IFT52: variants seen among roughly 807,000 people sequenced by gnomAD.
The protein encoded by IFT52 is intraflagellar transport 52, also known as intraflagellar transport protein 52 homolog.
Under a neutral mutation model 54.4 loss-of-function variants are expected in IFT52, and 44 were observed. That is an observed-to-expected ratio of 0.81 (90% confidence interval 0.63 to 1.04). The LOEUF is 1.04. Among genes scored for constraint, IFT52 ranks in the 50% least tolerant of loss-of-function variants. The pLI, the probability that IFT52 is intolerant of heterozygous loss-of-function variation, is 0.00. For synonymous variants in IFT52, 181 were observed against 185.3 expected, an observed-to-expected ratio of 0.98 and a Z score of 0.19; for missense variants, 452 against 523.6, an observed-to-expected ratio of 0.86 and a Z score of 1.33.
At chr20:43,606,255 T>C (rs1474073313) in intron 6 of IFT52, among the ~76,000 whole-genome samples, 1 of 148,756 alleles carries the variant, frequency 6.7e-6, no homozygotes, top group East Asian at 2.0e-4. Context: ...TTATAGATAA[T>C]AAAGCACAAA....
intron 4 of IFT52, 39 bp downstream of exon 4, chr20:43,603,928 T>C: frequency 7.4e-7 from 1 of 1,349,716 alleles, no homozygotes; most frequent in Non-Finnish European, 1.0e-6. Context: ...GCAGTACTTT[T>C]CTATCTATTA....
chr20:43,619,804 CGCCT>C (rs1984137438), intron 8 of IFT52, among the ~76,000 whole-genome samples: 1 of 151,620 alleles, frequency 6.6e-6, no homozygotes, highest in African/African-American at 2.4e-5. Flanking sequence ...GAGAAAGAAA[CGCCT>C]TATAATTGTT....
intron 6 of IFT52, among the ~76,000 whole-genome samples, chr20:43,606,728 C>G (rs529889368): frequency 3.3e-5 from 5 of 152,182 alleles, no homozygotes; most frequent in Admixed American, 2.0e-4. Context: ...GCAGAGGACC[C>G]TGCAGCCTTC....
chr20:43,624,512 A>G (rs756752227), intron 10 of IFT52, among the ~76,000 whole-genome samples: 7 of 152,132 alleles, frequency 4.6e-5, no homozygotes, highest in Non-Finnish European at 8.8e-5. Flanking sequence ...GTGCAGGTGG[A>G]ACTACAAGTT....
At chr20:43,622,738 T>A (rs892619050) in intron 9 of IFT52, among the ~76,000 whole-genome samples, 8 of 137,060 alleles carry the variant, frequency 5.8e-5, no homozygotes, top group South Asian at 2.2e-4. Context: ...AATATATACA[T>A]ATTTTTATGT....
intron 12 of IFT52, among the ~76,000 whole-genome samples, chr20:43,639,700 G>A (rs1985785244): frequency 6.6e-6 from 1 of 151,842 alleles, no homozygotes; most frequent in South Asian, 2.1e-4. Flanking sequence ...GTAGCCAGGT[G>A]CGGTGACGCA....
chr20:43,624,224 A>G, intron 10 of IFT52, 179 bp downstream of exon 10: 3 of 681,962 alleles, frequency 4.4e-6, no homozygotes, highest in Non-Finnish European at 7.5e-6. Context: ...ATGTAGAGGA[A>G]CTGCCAGAGG....
chr20:43,604,896 C>T, intron 5 of IFT52, 106 bp from the exon 6 acceptor site: 2 of 1,186,338 alleles, frequency 1.7e-6, no homozygotes, highest in Non-Finnish European at 2.4e-6. Flanking sequence ...ACCTCCCAGG[C>T]TTAAGCAATC....
chr20:43,647,061 T>C lies in IFT52; in HGVS notation c.*78T>C, dbSNP rs1472496621. On this transcript the variant is annotated 3_prime_UTR_variant, in exon 14 of 14. Coordinates refer to ENST00000373030, the MANE Select transcript of IFT52 (RefSeq NM_016004.5). ...ATTTTCAAATTGTTTTTCAACTCCT[T>C]ATCAAAATTGTTTATACACTCTTTC... The C allele has an allele frequency of 2.3e-6, 3 of 1,294,788 alleles. No individual in the cohort carries two copies. Among genetic ancestry groups the C allele is most frequent in the Non-Finnish European group, 3.4e-6 (3 of 891,050 alleles). The allele number at this position is 1,294,788 out of a possible 1,614,324, so 80.2% of individuals were successfully genotyped here.
At chr20:43,592,265 G>A (rs1008434251) in intron 1 of IFT52, among the ~76,000 whole-genome samples, 2 of 151,948 alleles carry the variant, frequency 1.3e-5, no homozygotes, top group Non-Finnish European at 2.9e-5. Flanking sequence ...GGAGGCGGAG[G>A]TTGCAGCGAG....
At chr20:43,608,863 G>A (rs139291242) in intron 6 of IFT52, among the ~76,000 whole-genome samples, 4,520 of 152,056 alleles carry the variant, frequency 0.03, 240 homozygotes, top group African/African-American at 0.094. Context: ...AGCCGAGATT[G>A]CGCCGCTGCA....
At chr20:43,618,725 C>A (rs1430378786) in intron 7 of IFT52, among the ~76,000 whole-genome samples, 3 of 152,024 alleles carry the variant, frequency 2.0e-5, no homozygotes, top group Non-Finnish European at 4.4e-5. Flanking sequence ...CTCAGGTGAT[C>A]CGCCTGCCTC....
At chr20:43,631,473 C>A (rs1985167439) in intron 10 of IFT52, among the ~76,000 whole-genome samples, 1 of 152,182 alleles carries the variant, frequency 6.6e-6, no homozygotes, top group South Asian at 2.1e-4. Flanking sequence ...CTGCCATGAT[C>A]TTTGTCCACT....
intron 12 of IFT52, 21 bp from the exon 13 acceptor site, chr20:43,642,458 C>T (rs753648506): frequency 1.2e-6 from 2 of 1,611,508 alleles, no homozygotes; most frequent in East Asian, 2.2e-5. Context: ...ATTAATCTAA[C>T]TACTACTCCA....
At position 43,594,925 on chromosome 20, in the gene IFT52, C is replaced by T. The variant is rs557969852; in HGVS notation, c.119+108C>T. On this transcript the variant is annotated intron_variant, in intron 2 of 13. Transcript: ENST00000373030. ...ACATAGATTGTTTAGGTGGGAGAAG[C>T]TCAATTTAAAGATTATTCAGAATTA... The T allele has an allele frequency of 4.1e-5, 29 of 711,538 alleles. No individual in the cohort carries two copies. In the African/African-American group the frequency reaches 4.9e-4, roughly 12 times the overall value. 44.1% of individuals were successfully genotyped at this position (711,538 alleles called of 1,614,324 possible).
intron 8 of IFT52, 60 bp from the exon 9 acceptor site, chr20:43,620,797 G>T: frequency 8.3e-7 from 1 of 1,204,168 alleles, no homozygotes; most frequent in Non-Finnish European, 1.2e-6. Flanking sequence ...CTCTAGTCCT[G>T]ACCTTCAGCT....
At chr20:43,636,118 C>A in intron 11 of IFT52, 105 bp downstream of exon 11, 2 of 1,007,812 alleles carry the variant, frequency 2.0e-6, no homozygotes, top group Non-Finnish European at 3.1e-6. Flanking sequence ...TTGTGGCACT[C>A]CTTGTGGAGT....
intron 6 of IFT52, among the ~76,000 whole-genome samples, chr20:43,605,984 G>A (rs908290749): frequency 2.6e-5 from 4 of 152,100 alleles, no homozygotes; most frequent in Non-Finnish European, 4.4e-5. Flanking sequence ...ACTTTGGGTG[G>A]CCAAGGCGAG....
intron 10 of IFT52, 148 bp downstream of exon 10, chr20:43,624,193 T>C (rs972503970): frequency 5.7e-6 from 5 of 875,684 alleles, no homozygotes; most frequent in Non-Finnish European, 8.9e-6. Flanking sequence ...ACAAAGAAAC[T>C]GGGCTGGGCA....
Sources: gnomAD v4.1 joint callset for allele counts (sites outside exome capture counted in the v4.1 genomes callset) on GRCh38, gnomAD v4.1.1 for gene constraint, MANE v1.5 for transcripts, NCBI Gene and HGNC (gene_info 2026-07-23, HGNC 2026-07-21) for gene names.